The following ABLIM1 variants were observed in gnomAD, a reference collection of about 807,000 sequenced individuals.
The protein encoded by ABLIM1 is actin binding LIM protein 1.
Under a neutral mutation model 107.0 loss-of-function variants are expected in ABLIM1, and 40 were observed. The ratio of observed to expected loss-of-function variants is 0.37; its 90% CI spans 0.29 to 0.49. ABLIM1 has a LOEUF of 0.49. ABLIM1 is among the 20% of genes least tolerant of loss of function. The pLI, the probability that ABLIM1 is intolerant of heterozygous loss-of-function variation, is 0.97. For missense variants in ABLIM1, 857 were observed against 1,008.5 expected (o/e 0.85, Z 2.04); for synonymous variants, 357 against 357.3 (o/e 1.00, Z 0.01).
At chr10:114,634,257 C>G (rs569657476) in intron 1 of ABLIM1, among the ~76,000 whole-genome samples, 25 of 145,992 alleles carry the variant, frequency 1.7e-4, no homozygotes, top group African/African-American at 5.8e-4. Flanking sequence ...CTCAGCCTCC[C>G]GAGTAGCTGG....
At chr10:114,688,348 T>C (rs2080992977), upstream of ABLIM1, among the ~76,000 whole-genome samples, 1 of 151,912 alleles carries the variant, frequency 6.6e-6, no homozygotes, top group South Asian at 2.1e-4. Flanking sequence ...AAAAAACTCA[T>C]GTAATCAAGA....
Position 114,700,491 on chromosome 10 carries a change from A to AACACACACACACAC in ABLIM1, c.-213+67556_-213+67569dup, listed in dbSNP as rs149691121. 5.6e-3 allele frequency among the ~76,000 whole-genome samples: 825 copies of AACACACACACACAC among 148,528 alleles called. 5 individuals carry two copies. Among genetic ancestry groups the AACACACACACACAC allele is most frequent in the African/African-American group, 0.019 (757 of 40,632 alleles). On this transcript the variant is annotated intron_variant, in intron 1 of 15. Coordinates refer to the ABLIM1 transcript ENST00000651092. ...GCCTAGGATTGCCAAAAACAATTAAAACACACACACACACACACACACACA... is the reference window on the plus strand; with the variant it reads ...GCCTAGGATTGCCAAAAACAATTAAAACACACACACACACACACACACACACACACACACACACA...
At chr10:114,714,783 A>C (rs2081625093) in intron 1 of ABLIM1, among the ~76,000 whole-genome samples, 1 of 152,362 alleles carries the variant, frequency 6.6e-6, no homozygotes, top group Non-Finnish European at 1.5e-5. Context: ...AGCCTTTAGA[A>C]GACAATTATG....
the ABLIM1 span, among the ~76,000 whole-genome samples, chr10:114,787,303 C>A: frequency 2.2e-4 from 33 of 151,870 alleles, no homozygotes; most frequent in African/African-American, 7.2e-4. Flanking sequence ...GCCCAGCAGC[C>A]GCCCCGTCTG....
chr10:114,647,681 T>C (rs1294149152), intron 1 of ABLIM1, among the ~76,000 whole-genome samples: 3 of 152,180 alleles, frequency 2.0e-5, no homozygotes, highest in Non-Finnish European at 4.4e-5. Context: ...CCCTCTCCAC[T>C]TGGGCTGCAG....
At chr10:114,720,740 A>AC (rs1566272632) in intron 1 of ABLIM1, among the ~76,000 whole-genome samples, 1 of 152,066 alleles carries the variant, frequency 6.6e-6, no homozygotes, top group Non-Finnish European at 1.5e-5. Context: ...TAAAAAAAAA[A>AC]AGCAAGCATA....
intron 1 of ABLIM1, among the ~76,000 whole-genome samples, chr10:114,681,366 T>G (rs1188190250): frequency 6.6e-6 from 1 of 152,146 alleles, no homozygotes; most frequent in African/African-American, 2.4e-5. Flanking sequence ...TGGCTAATTT[T>G]GTATTTTTAG....
intron 1 of ABLIM1, among the ~76,000 whole-genome samples, chr10:114,749,450 C>CCA (rs151201319): frequency 0.024 from 3,415 of 141,566 alleles, 82 homozygotes; most frequent in African/African-American, 0.056. Flanking sequence ...AACACACACA[C>CCA]CACACACACA....
intron 6 of ABLIM1, among the ~76,000 whole-genome samples, chr10:114,544,137 C>T (rs951795839): frequency 7.2e-5 from 11 of 152,202 alleles, no homozygotes; most frequent in South Asian, 2.1e-4. Context: ...AACATGGCTC[C>T]GTGGATTTAG....
chr10:114,564,469 C>T (rs1335451616), intron 4 of ABLIM1, among the ~76,000 whole-genome samples: 2 of 151,018 alleles, frequency 1.3e-5, no homozygotes, highest in Non-Finnish European at 2.9e-5. Flanking sequence ...GATGGGGTTT[C>T]ACCATATTGG....
chr10:114,630,747 G>A (rs1158528727), intron 1 of ABLIM1, among the ~76,000 whole-genome samples: 5 of 152,194 alleles, frequency 3.3e-5, no homozygotes, highest in Non-Finnish European at 7.3e-5. Flanking sequence ...AGAACGCCCT[G>A]AAAGAGTAGA....
the ABLIM1 span, among the ~76,000 whole-genome samples, chr10:114,782,995 G>C: frequency 1.6e-4 from 25 of 151,990 alleles, no homozygotes; most frequent in Admixed American, 9.2e-4. Flanking sequence ...GAAAGGGAAA[G>C]GTTTGGCCAG....
intron 1 of ABLIM1, among the ~76,000 whole-genome samples, chr10:114,751,112 C>A (rs1054723474): frequency 2.6e-5 from 4 of 152,064 alleles, no homozygotes; most frequent in African/African-American, 9.7e-5. Flanking sequence ...AAGAGGTAAT[C>A]CTCACTTCCA....
intron 1 of ABLIM1, among the ~76,000 whole-genome samples, chr10:114,691,786 G>A (rs892892072): frequency 8.5e-5 from 13 of 152,154 alleles, no homozygotes; most frequent in African/African-American, 3.1e-4. Context: ...GCACATGAGT[G>A]ATACATGACC....
intron 1 of ABLIM1, among the ~76,000 whole-genome samples, chr10:114,713,145 A>C (rs1251482264): frequency 6.6e-6 from 1 of 152,216 alleles, no homozygotes; most frequent in Non-Finnish European, 1.5e-5. Flanking sequence ...TTAACAAGGA[A>C]GAGAGGAGCA....
intron 7 of ABLIM1, among the ~76,000 whole-genome samples, chr10:114,489,041 G>C (rs1369221715): frequency 6.6e-6 from 1 of 151,438 alleles, no homozygotes; most frequent in Non-Finnish European, 1.5e-5. Flanking sequence ...TTTTGAGACA[G>C]AGTCTTGCTC....
At chr10:114,792,981 A>G in the ABLIM1 span, among the ~76,000 whole-genome samples, 6 of 152,018 alleles carry the variant, frequency 3.9e-5, no homozygotes, top group Non-Finnish European at 8.8e-5. Context: ...GTGAAATCCC[A>G]TCTCTACTGA....
chr10:114,491,902 G>A (rs199822477), intron 6 of ABLIM1, 24 bp from the exon 7 acceptor site: 146 of 1,567,588 alleles, frequency 9.3e-5, no homozygotes, highest in African/African-American at 2.0e-4. Flanking sequence ...GGTAGGGAAC[G>A]TTGAGTCTGC....
intron 1 of ABLIM1, among the ~76,000 whole-genome samples, chr10:114,655,107 C>T (rs1049426565): frequency 1.3e-5 from 2 of 152,148 alleles, no homozygotes; most frequent in Non-Finnish European, 2.9e-5. Context: ...GCATTCCCTG[C>T]CTACCTTAGG....
Sources: gnomAD v4.1 joint callset for allele counts (sites outside exome capture counted in the v4.1 genomes callset) on GRCh38, gnomAD v4.1.1 for gene constraint, MANE v1.5 for transcripts, NCBI Gene and HGNC (gene_info 2026-07-23, HGNC 2026-07-21) for gene names.